The following GLT8D2 variants were observed in gnomAD, a reference collection of about 807,000 sequenced individuals.
GLT8D2 encodes glycosyltransferase 8 domain containing 2, also known as glycosyltransferase 8 domain-containing protein 2.
A neutral mutation model predicts 44.5 loss-of-function variants in GLT8D2; 45 were observed. The ratio of observed to expected loss-of-function variants is 1.01; its 90% CI spans 0.80 to 1.30. The LOEUF is 1.30. Among genes scored for constraint, GLT8D2 ranks in the 50% most tolerant of loss-of-function variants. The pLI, the probability that GLT8D2 is intolerant of heterozygous loss-of-function variation, is 0.00. For missense variants in GLT8D2, 400 were observed against 430.4 expected, an observed-to-expected ratio of 0.93 and a Z score of 0.62; for synonymous variants, 156 against 157.2, an observed-to-expected ratio of 0.99 and a Z score of 0.06.
At chr12:104,016,912 G>A (rs1876949738) in intron 3 of GLT8D2, among the ~76,000 whole-genome samples, 1 of 151,668 alleles carries the variant, frequency 6.6e-6, no homozygotes, top group South Asian at 2.1e-4. Context: ...AAGAAAGGAA[G>A]AAAGAAAGAA....
intron 2 of GLT8D2, among the ~76,000 whole-genome samples, chr12:104,019,990 G>C (rs1398204025): frequency 6.6e-6 from 1 of 152,038 alleles, no homozygotes; most frequent in Non-Finnish European, 1.5e-5. Context: ...TGCGATCTTG[G>C]CTCACTGCAA....
chr12:104,018,191 C>T (rs11111871), intron 3 of GLT8D2, among the ~76,000 whole-genome samples: 8,817 of 152,036 alleles, frequency 0.058, 409 homozygotes, highest in East Asian at 0.19. Flanking sequence ...AGGCTGGTCT[C>T]GAACTCCTGG....
At chr12:103,994,542 CT>C (rs1372442300) in intron 8 of GLT8D2, 41 bp from the exon 9 acceptor site, 5 of 1,527,526 alleles carry the variant, frequency 3.3e-6, no homozygotes, top group Admixed American at 3.9e-5. Flanking sequence ...ACCAGCGAAT[CT>C]TTTGTTTCTG....
chr12:104,037,381 T>G (rs1327527658), intron 1 of GLT8D2, among the ~76,000 whole-genome samples: 1 of 152,126 alleles, frequency 6.6e-6, no homozygotes, highest in African/African-American at 2.4e-5. Context: ...AGGAGCTGGT[T>G]TTTTGAAAAG....
chr12:104,029,972 CA>C (rs1487114168), intron 1 of GLT8D2, among the ~76,000 whole-genome samples: 2 of 150,698 alleles, frequency 1.3e-5, no homozygotes, highest in Non-Finnish European at 3.0e-5. Flanking sequence ...ACATTTTTCA[CA>C]AAAATAGAAA....
chr12:103,994,577 C>G (rs1163132099), intron 8 of GLT8D2, 76 bp from the exon 9 acceptor site: 1 of 1,364,968 alleles, frequency 7.3e-7, no homozygotes, highest in Non-Finnish European at 1.0e-6. Flanking sequence ...TTCTTGAAAC[C>G]CTTGTGCAGT....
In GLT8D2 at chr12:104,019,695, A is replaced by C. The variant is rs1485376290; in HGVS notation, c.-28-19T>G. ...CTGTAACCTGTGGATTAAAGGAAAA[A>C]AAATCTGTTTAAAGGAGAATCAACT... On this transcript the variant is annotated intron_variant, in intron 2 of 10. Coordinates refer to ENST00000360814, the MANE Select transcript of GLT8D2 (RefSeq NM_001384711.1). The C allele has an allele frequency of 1.3e-6, 2 of 1,563,918 alleles. No homozygotes were observed. The highest frequency in any genetic ancestry group is 2.3e-5 in the South Asian group (2 of 87,500).
At chr12:104,021,681 C>T (rs1877657013) in intron 1 of GLT8D2, among the ~76,000 whole-genome samples, 190 bp from the exon 2 acceptor site, 1 of 150,720 alleles carries the variant, frequency 6.6e-6, no homozygotes, top group South Asian at 2.1e-4. Flanking sequence ...CCCAGCTACT[C>T]GGGAGGTTGA....
At chr12:104,004,628 C>T (rs1874720662) in intron 4 of GLT8D2, among the ~76,000 whole-genome samples, 1 of 152,160 alleles carries the variant, frequency 6.6e-6, no homozygotes. Flanking sequence ...CTCCCATTCA[C>T]AATTGCTTCA....
intron 9 of GLT8D2, 150 bp downstream of exon 9, chr12:103,994,185 G>T: frequency 3.4e-6 from 2 of 595,166 alleles, no homozygotes; most frequent in Non-Finnish European, 2.7e-6. Context: ...TTAATTGACT[G>T]CCCCCTTTTC....
intron 5 of GLT8D2, among the ~76,000 whole-genome samples, chr12:103,999,719 CTCTT>C (rs1238712582): frequency 6.6e-6 from 1 of 152,186 alleles, no homozygotes; most frequent in East Asian, 1.9e-4. Context: ...AATCACGTAA[CTCTT>C]TCTGCAAAGG....
At chr12:104,050,818 C>CTT (rs34098361), upstream of GLT8D2, among the ~76,000 whole-genome samples, 39,811 of 144,324 alleles carry the variant, frequency 0.28, 7,985 homozygotes, top group African/African-American at 0.54. Context: ...TGTAATTTTA[C>CTT]TTTTTTTTTT....
At chr12:104,026,391 C>G (rs1593554931) in intron 1 of GLT8D2, among the ~76,000 whole-genome samples, 1 of 152,032 alleles carries the variant, frequency 6.6e-6, no homozygotes, top group African/African-American at 2.4e-5. Context: ...TCCCCAAATT[C>G]TAATTCGATC....
At chr12:104,006,703 G>C (rs1040107768) in intron 4 of GLT8D2, among the ~76,000 whole-genome samples, 2 of 152,198 alleles carry the variant, frequency 1.3e-5, no homozygotes, top group Admixed American at 6.5e-5. Context: ...CTGTGTCCTT[G>C]TTAGACGATT....
intron 1 of GLT8D2, among the ~76,000 whole-genome samples, chr12:104,042,214 T>C (rs886411879): frequency 1.3e-5 from 2 of 152,214 alleles, no homozygotes; most frequent in Admixed American, 1.3e-4. Flanking sequence ...GGAAATCTAC[T>C]GGGAATATCT....
intron 4 of GLT8D2, 84 bp from the exon 5 acceptor site, chr12:104,003,390 G>A: frequency 8.5e-7 from 1 of 1,179,060 alleles, no homozygotes. Flanking sequence ...ACTCCTGGGG[G>A]AAGATGGCAT....
intron 5 of GLT8D2, 45 bp downstream of exon 5, chr12:104,003,090 G>T: frequency 6.6e-7 from 1 of 1,506,684 alleles, no homozygotes. Flanking sequence ...GAAGGAGAGA[G>T]GGGAAGGAAA....
chr12:104,013,546 T>C (rs1276742991), intron 4 of GLT8D2, among the ~76,000 whole-genome samples: 1 of 152,216 alleles, frequency 6.6e-6, no homozygotes, highest in African/African-American at 2.4e-5. Context: ...AATCATTCTC[T>C]TTGCAGATTC....
intron 1 of GLT8D2, among the ~76,000 whole-genome samples, chr12:104,037,983 G>T (rs1466376624): frequency 1.3e-5 from 2 of 152,166 alleles, no homozygotes; most frequent in Non-Finnish European, 2.9e-5. Context: ...TACAAGGCTG[G>T]TTCAACACAT....
Sources: gnomAD v4.1 joint callset for allele counts (sites outside exome capture counted in the v4.1 genomes callset) on GRCh38, gnomAD v4.1.1 for gene constraint, MANE v1.5 for transcripts, NCBI Gene and HGNC (gene_info 2026-07-23, HGNC 2026-07-21) for gene names.